The following TYR variants were observed in gnomAD, a reference collection of about 807,000 sequenced individuals.
The protein encoded by TYR is LB24-AB.
In TYR, 58 loss-of-function variants were observed where a neutral mutation model predicts 51.5. The ratio of observed to expected loss-of-function variants is 1.13; its 90% confidence interval spans 0.91 to 1.40. TYR has a LOEUF of 1.40. TYR is among the 40% of genes most tolerant of loss of function. The pLI, the probability that TYR is intolerant of heterozygous loss-of-function variation, is 0.00. For synonymous variants in TYR, 263 were observed against 235.2 expected (o/e 1.12, Z -1.08); for missense variants, 732 against 647.4 (o/e 1.13, Z -1.42).
intron 2 of TYR, among the ~76,000 whole-genome samples, chr11:89,198,190 G>C (rs1238058792): frequency 6.6e-6 from 1 of 151,848 alleles, no homozygotes; most frequent in Non-Finnish European, 1.5e-5. Flanking sequence ...CTTCCTGCCT[G>C]AGAAATGGAC....
chr11:89,295,544 G>T lies in TYR; in HGVS notation c.*178G>T. On this transcript the variant is annotated 3_prime_UTR_variant, in exon 5 of 5. Coordinates refer to ENST00000263321, the MANE Select transcript of TYR (RefSeq NM_000372.5). ...GGTAGAACACACCTGTCTTTGTCTT[G>T]CTGTTTTCACTCAGCCCTTTTAACA... The T allele has an allele frequency of 4.0e-6, 3 of 757,766 alleles. No individual in the cohort carries two copies. 46.9% of individuals were successfully genotyped at this position (757,766 alleles called of 1,614,324 possible).
chr11:89,196,211 T>C (rs1251618994), intron 2 of TYR, among the ~76,000 whole-genome samples: 2 of 152,190 alleles, frequency 1.3e-5, no homozygotes, highest in African/African-American at 4.8e-5. Flanking sequence ...CTCTGGCAAT[T>C]AGCTTAACAA....
Position 89,254,325 on chromosome 11 carries a change from G to A in TYR, c.1184+26355G>A, listed in dbSNP as rs750939677. ...ATGTTCTTTTCCGGTTTTGGTGTTC[G>A]GGTGATACTGTCTTCATAGAATGAT... On this transcript the variant is annotated intron_variant, in intron 3 of 4. Coordinates refer to ENST00000263321, the MANE Select transcript of TYR (RefSeq NM_000372.5). Among the ~76,000 whole-genome samples, 78 of 151,678 alleles carry A rather than the reference G, an allele frequency of 5.1e-4. 1 individual carries two copies. Among genetic ancestry groups the A allele is most frequent in the Admixed American group, 4.6e-3 (69 of 15,148 alleles).
At position 89,295,307 on chromosome 11, in the gene TYR, A is replaced by G; in HGVS notation, c.1531A>G (p.Lys511Glu). The change falls in exon 5 of 5, where the codon AAG becomes GAG. Residue 511 changes from lysine to glutamate, a missense_variant. By Grantham distance (56) the Lys-to-Glu change is moderately conservative. Transcript: ENST00000263321. ...RHKRKQLPEE[K>E]QPLLMEKEDY... Reference sequence around the variant, plus strand: ...CAAGAGAAAGCAGCTTCCTGAAGAAAAGCAGCCACTCCTCATGGAGAAAGA... The same window carrying G: ...CAAGAGAAAGCAGCTTCCTGAAGAAGAGCAGCCACTCCTCATGGAGAAAGA... 2 of 1,613,524 alleles carry G rather than the reference A, an allele frequency of 1.2e-6. No individual in the cohort carries two copies. The highest frequency in any genetic ancestry group is 1.7e-6 in the Non-Finnish European group (2 of 1,179,726).
At chr11:89,289,415 G>A (rs1029431292) in intron 4 of TYR, among the ~76,000 whole-genome samples, 2 of 151,946 alleles carry the variant, frequency 1.3e-5, no homozygotes, top group African/African-American at 4.8e-5. Flanking sequence ...TATATGCTCA[G>A]AGTCTAATTC....
At chr11:89,292,699 TCGAATATTGA>T (rs1331880084) in intron 4 of TYR, among the ~76,000 whole-genome samples, 2 of 151,986 alleles carry the variant, frequency 1.3e-5, no homozygotes, top group Non-Finnish European at 1.5e-5. Flanking sequence ...AACCAGAAAA[TCGAATATTGA>T]AAAGACTGAG....
At chr11:89,204,481 C>A (rs1210983012) in intron 2 of TYR, among the ~76,000 whole-genome samples, 1 of 151,912 alleles carries the variant, frequency 6.6e-6, no homozygotes, top group Non-Finnish European at 1.5e-5. Context: ...GCAACCTCCA[C>A]CTCCCAGAGT....
At position 89,271,747 on chromosome 11, in the gene TYR, T is replaced by C. The variant is rs185862656; in HGVS notation, c.1185-13026T>C. On this transcript the variant is annotated intron_variant, in intron 3 of 4. Transcript: ENST00000263321. The stretch of plus-strand genomic sequence containing the variant: ...TGCCTACAGTAGAACTTCTTGCAAA[T>C]ATGGAGTCAATCCTCTCAAACCCTA... Among the ~76,000 whole-genome samples, 6 of 152,082 alleles carry C rather than the reference T, an allele frequency of 3.9e-5. No individual in the cohort carries two copies. The East Asian group carries it at 1.2e-3, about 30-fold the overall frequency.
At chr11:89,178,847 TTCTCACC>T in intron 1 of TYR, 75 bp downstream of exon 1, 3 of 1,469,000 alleles carry the variant, frequency 2.0e-6, no homozygotes, top group Non-Finnish European at 2.8e-6. Flanking sequence ...GGGTATAAAC[TTCTCACC>T]TGAACACTCA....
intron 2 of TYR, among the ~76,000 whole-genome samples, chr11:89,199,893 T>C (rs1041791250): frequency 3.9e-5 from 6 of 152,208 alleles, no homozygotes; most frequent in African/African-American, 1.2e-4. Flanking sequence ...AAGAATTCAA[T>C]TGAGGGTCCT....
At chr11:89,186,310 T>G (rs1943371946) in intron 1 of TYR, among the ~76,000 whole-genome samples, 1 of 152,224 alleles carries the variant, frequency 6.6e-6, no homozygotes, top group African/African-American at 2.4e-5. Context: ...ATCTGTGGTC[T>G]TGGTGTTGAA....
In TYR at chr11:89,178,051, A is replaced by T. The variant is rs1451372078; in HGVS notation, c.98A>T (p.Lys33Met). 6.2e-7 allele frequency: 1 copy of T among 1,614,082 alleles called. No homozygotes were observed. The highest frequency in any genetic ancestry group is 8.5e-7 in the Non-Finnish European group (1 of 1,180,042). ...ACVSSKNLMEKECCPPWSGDR... is the reference protein window; with the variant it reads ...ACVSSKNLMEMECCPPWSGDR... ...GTCTCCTCTAAGAACCTGATGGAGA[A>T]GGAATGCTGTCCACCGTGGAGCGGG... The change falls in exon 1 of 5, where the codon AAG (lysine) becomes ATG (methionine). Residue 33 changes from lysine (K) to methionine (M), a missense_variant. Physicochemically the swap from Lys to Met is moderately conservative, Grantham distance 95. Transcript: ENST00000263321.
chr11:89,287,408 G>C (rs781083734), intron 4 of TYR, among the ~76,000 whole-genome samples: 3 of 151,702 alleles, frequency 2.0e-5, no homozygotes, highest in Non-Finnish European at 4.4e-5. Context: ...GTACTGAGTT[G>C]TTTATTCTTT....
At chr11:89,263,318 T>C (rs914096063) in intron 3 of TYR, among the ~76,000 whole-genome samples, 3 of 151,748 alleles carry the variant, frequency 2.0e-5, no homozygotes, top group Admixed American at 1.3e-4. Flanking sequence ...AAAACAAACA[T>C]GCATCAAGCT....
intron 2 of TYR, among the ~76,000 whole-genome samples, chr11:89,218,332 A>G (rs1293215055): frequency 6.6e-6 from 1 of 152,208 alleles, no homozygotes; most frequent in South Asian, 2.1e-4. Flanking sequence ...ATACTTTGCA[A>G]TATACTAGGA....
At chr11:89,283,118 T>C (rs1340814852) in intron 3 of TYR, among the ~76,000 whole-genome samples, 1 of 151,834 alleles carries the variant, frequency 6.6e-6, no homozygotes, top group Non-Finnish European at 1.5e-5. Context: ...CTACAGTAGA[T>C]ACTCAGTAAA....
intron 3 of TYR, among the ~76,000 whole-genome samples, chr11:89,240,806 T>C (rs1267242375): frequency 2.6e-5 from 4 of 152,204 alleles, no homozygotes; most frequent in African/African-American, 9.6e-5. Flanking sequence ...AGCTTAATCA[T>C]GCTTTTAGTT....
rs189772910 is a variant in TYR at position 89,207,716 on chromosome 11, C to T, written c.1036+16298C>T. On this transcript the variant is annotated intron_variant, in intron 2 of 4. Transcript: ENST00000263321. ...TATGTAAAAATTCTTAAAATATTGA[C>T]GAATATAATTCAGCTGCATATAAAA... Among the ~76,000 whole-genome samples the T allele has an allele frequency of 5.3e-3, 808 of 151,998 alleles. 2 individuals carry two copies. Among genetic ancestry groups the T allele is most frequent in the African/African-American group, 0.018 (729 of 41,416 alleles).
chr11:89,182,808 T>C (rs944033164), intron 1 of TYR, among the ~76,000 whole-genome samples: 1 of 151,994 alleles, frequency 6.6e-6, no homozygotes, highest in African/African-American at 2.4e-5. Flanking sequence ...AACCAACAGA[T>C]CAGCTAGCTA....
Sources: allele counts gnomAD v4.1 joint callset (sites outside exome capture counted in the v4.1 genomes callset), GRCh38; gene constraint gnomAD v4.1.1; transcripts MANE v1.5; gene names NCBI Gene and HGNC (gene_info 2026-07-23, HGNC 2026-07-21).